ADAM12: variants seen among roughly 807,000 people sequenced by gnomAD.
The protein encoded by ADAM12 is ADAM metallopeptidase domain 12.
ADAM12 carries 70 observed loss-of-function variants against 106.4 expected under a neutral mutation model. The observed-to-expected ratio is 0.66, with a 90% confidence interval of 0.54 to 0.80. The LOEUF (loss-of-function observed/expected upper bound fraction) is 0.80, where lower values mean the gene tolerates loss of function less well. Among genes scored for constraint, ADAM12 ranks in the 30% least tolerant of loss-of-function variants. ADAM12 has a pLI of 0.00. For missense variants in ADAM12, 1,010 were observed against 1,171.9 expected (o/e 0.86, Z 2.02); for synonymous variants, 420 against 433.5 (o/e 0.97, Z 0.39).
intron 3 of ADAM12, chr10:126,273,164 A>G (rs1356379546): frequency 6.5e-6 from 1 of 153,968 alleles, no homozygotes; most frequent in Non-Finnish European, 1.5e-5. Flanking sequence ...GAGGAGCTCA[A>G]TGCTTTAATG....
At chr10:126,316,468 A>C (rs1853877078) in intron 2 of ADAM12, among the ~76,000 whole-genome samples, 1 of 152,152 alleles carries the variant, frequency 6.6e-6, no homozygotes, top group Admixed American at 6.5e-5. Flanking sequence ...AGAGCCATTC[A>C]ACTCTAAGCC....
chr10:126,297,985 G>A (rs1014182402), intron 2 of ADAM12, among the ~76,000 whole-genome samples: 2 of 152,018 alleles, frequency 1.3e-5, no homozygotes, highest in Non-Finnish European at 2.9e-5. Context: ...CCAGGGTTTG[G>A]GTTGGGATCT....
At chr10:126,054,973 C>T (rs1003453794) in intron 14 of ADAM12, among the ~76,000 whole-genome samples, 2 of 152,204 alleles carry the variant, frequency 1.3e-5, no homozygotes, top group African/African-American at 4.8e-5. Context: ...ATCCATCTCC[C>T]TCACACTTCA....
chr10:126,311,333 C>T (rs970805460), intron 2 of ADAM12, among the ~76,000 whole-genome samples: 3 of 152,164 alleles, frequency 2.0e-5, no homozygotes, highest in South Asian at 2.1e-4. Context: ...CTTTTTAAAT[C>T]TAATCTCCAA....
chr10:126,234,804 C>T (rs1194120681), intron 3 of ADAM12, among the ~76,000 whole-genome samples: 2 of 152,212 alleles, frequency 1.3e-5, no homozygotes, highest in Non-Finnish European at 2.9e-5. Flanking sequence ...CAGGCCAACG[C>T]TCACACCAGG....
intron 3 of ADAM12, among the ~76,000 whole-genome samples, chr10:126,275,401 C>G (rs545068519): frequency 6.6e-6 from 1 of 152,232 alleles, no homozygotes; most frequent in Non-Finnish European, 1.5e-5. Flanking sequence ...TTTAAGTGAA[C>G]AGCATCCAAT....
intron 3 of ADAM12, among the ~76,000 whole-genome samples, chr10:126,251,343 T>G (rs1186373464): frequency 1.3e-5 from 2 of 152,240 alleles, no homozygotes; most frequent in Non-Finnish European, 2.9e-5. Context: ...GGTAGCATGT[T>G]ATTATTCTTT....
intron 5 of ADAM12, among the ~76,000 whole-genome samples, chr10:126,126,026 C>A (rs140039314): frequency 6.6e-6 from 1 of 152,120 alleles, no homozygotes; most frequent in African/African-American, 2.4e-5. Context: ...TGATTTCAGA[C>A]TTCTGGCCTG....
At chr10:126,023,717 A>G (rs1213264706) in intron 21 of ADAM12, among the ~76,000 whole-genome samples, 1 of 152,160 alleles carries the variant, frequency 6.6e-6, no homozygotes, top group East Asian at 1.9e-4. Context: ...ACCTGTCACC[A>G]CAAATTGTCC....
At chr10:126,360,344 T>C (rs542640429) in intron 1 of ADAM12, among the ~76,000 whole-genome samples, 1 of 152,306 alleles carries the variant, frequency 6.6e-6, no homozygotes, top group East Asian at 1.9e-4. Flanking sequence ...ATCTATTGCA[T>C]TGTCAGTCTG....
chr10:126,221,389 CAAAA>C (rs35766891), intron 3 of ADAM12, among the ~76,000 whole-genome samples: 10 of 100,670 alleles, frequency 9.9e-5, no homozygotes, highest in South Asian at 3.7e-4. Context: ...GACTCTGTCT[CAAAA>C]AAAAAAAAAA....
At chr10:126,313,969 C>T (rs892350485) in intron 2 of ADAM12, among the ~76,000 whole-genome samples, 6 of 151,886 alleles carry the variant, frequency 4.0e-5, no homozygotes, top group East Asian at 1.9e-4. Flanking sequence ...AAGGCAGAGA[C>T]GAGAAGGGAC....
chr10:126,194,699 G>A (rs894296996), intron 3 of ADAM12, among the ~76,000 whole-genome samples: 1 of 152,212 alleles, frequency 6.6e-6, no homozygotes, highest in Non-Finnish European at 1.5e-5. Context: ...TGGGTAATGT[G>A]GTTTTGTGGA....
chr10:126,248,619 GA>G (rs1466359583), intron 3 of ADAM12, among the ~76,000 whole-genome samples: 1 of 152,128 alleles, frequency 6.6e-6, no homozygotes, highest in Non-Finnish European at 1.5e-5. Context: ...TGCATACCAT[GA>G]GCTAGGTATT....
intron 3 of ADAM12, among the ~76,000 whole-genome samples, chr10:126,276,227 T>C (rs560764822): frequency 6.6e-6 from 1 of 152,308 alleles, no homozygotes; most frequent in South Asian, 2.1e-4. Context: ...TGGTCAGCTG[T>C]TCATCCTGAT....
intron 2 of ADAM12, among the ~76,000 whole-genome samples, chr10:126,325,594 CA>C (rs1298262607): frequency 6.6e-6 from 1 of 152,188 alleles, no homozygotes; most frequent in East Asian, 1.9e-4. Flanking sequence ...TTCCATTTTC[CA>C]TTTCTTATAC....
At chr10:126,277,485 C>T (rs1049197959) in intron 3 of ADAM12, among the ~76,000 whole-genome samples, 1 of 152,060 alleles carries the variant, frequency 6.6e-6, no homozygotes, top group African/African-American at 2.4e-5. Context: ...GCCTTAGATG[C>T]TTTTGATCTT....
At chr10:126,056,899 C>T (rs373978579) in intron 14 of ADAM12, among the ~76,000 whole-genome samples, 1,023 of 26,684 alleles carry the variant, frequency 0.038, 173 homozygotes, top group Non-Finnish European at 0.057. Flanking sequence ...GTGAATAGTG[C>T]CGCAATAAAC....
At chr10:126,027,272 T>G (rs1953891352) in intron 21 of ADAM12, among the ~76,000 whole-genome samples, 1 of 152,166 alleles carries the variant, frequency 6.6e-6, no homozygotes, top group African/African-American at 2.4e-5. Flanking sequence ...CCAGGCAGAT[T>G]CACAGCTGAA....
Sources: gnomAD v4.1 joint callset for allele counts (sites outside exome capture counted in the v4.1 genomes callset) on GRCh38, gnomAD v4.1.1 for gene constraint, MANE v1.5 for transcripts, NCBI Gene and HGNC (gene_info 2026-07-23, HGNC 2026-07-21) for gene names.